Variants in CLVS1 observed in about 807,000 individuals in gnomAD.
CLVS1 encodes the protein clavesin-1.
CLVS1 carries 10 observed loss-of-function variants against 33.1 expected under a neutral mutation model. The ratio of observed to expected loss-of-function variants is 0.30; its 90% confidence interval spans 0.19 to 0.51. CLVS1 has a LOEUF of 0.51. Ranked by LOEUF, CLVS1 falls within the 20% of genes least tolerant of loss-of-function variation. The pLI is 0.97. For missense variants in CLVS1, 343 were observed against 433.4 expected (o/e 0.79, Z 1.85); for synonymous variants, 163 against 166.1 (o/e 0.98, Z 0.14).
At chr8:61,457,982 G>A (rs1185685523) in intron 4 of CLVS1, among the ~76,000 whole-genome samples, 2 of 152,230 alleles carry the variant, frequency 1.3e-5, no homozygotes, top group African/African-American at 4.8e-5. Context: ...GCAATAGCTG[G>A]GGTTTCAGGT....
At chr8:61,411,094 A>G (rs1351077992) in intron 3 of CLVS1, among the ~76,000 whole-genome samples, 1 of 152,198 alleles carries the variant, frequency 6.6e-6, no homozygotes, top group Non-Finnish European at 1.5e-5. Context: ...AGGCTGTTGG[A>G]TCCAAATCCT....
intron 1 of CLVS1, among the ~76,000 whole-genome samples, chr8:61,082,417 A>G (rs115676000): frequency 1.1e-3 from 164 of 152,368 alleles, no homozygotes; most frequent in African/African-American, 3.7e-3. Flanking sequence ...AATTAATGAT[A>G]GATGCCAAAT....
intron 2 of CLVS1, among the ~76,000 whole-genome samples, chr8:61,335,343 T>C (rs1274308210): frequency 6.6e-6 from 1 of 152,252 alleles, no homozygotes; most frequent in East Asian, 1.9e-4. Context: ...TAAACTAAGT[T>C]TCTCCCAAAG....
chr8:61,161,424 C>G (rs1448668674), intron 2 of CLVS1, among the ~76,000 whole-genome samples: 2 of 152,152 alleles, frequency 1.3e-5, no homozygotes, highest in Admixed American at 1.3e-4. Context: ...AAGTGTTCAT[C>G]AATGGATGAA....
chr8:61,416,386 AT>A (rs1178638089), intron 3 of CLVS1, among the ~76,000 whole-genome samples: 3 of 152,134 alleles, frequency 2.0e-5, no homozygotes, highest in African/African-American at 4.8e-5. Context: ...TACTAGAACA[AT>A]AGGTGGGGAA....
chr8:61,119,990 C>T (rs1393717991), intron 1 of CLVS1, among the ~76,000 whole-genome samples: 2 of 144,874 alleles, frequency 1.4e-5, no homozygotes, highest in East Asian at 4.0e-4. Context: ...TTCCATTCTC[C>T]CCATCACTTT....
intron 5 of CLVS1, among the ~76,000 whole-genome samples, chr8:61,480,342 A>C (rs1031715336): frequency 6.6e-6 from 1 of 152,144 alleles, no homozygotes; most frequent in African/African-American, 2.4e-5. Context: ...CTGCTGTGCT[A>C]GCAATGAGCA....
intron 1 of CLVS1, among the ~76,000 whole-genome samples, chr8:61,077,194 CTCCCGAGTAGCTG>C (rs1804929461): frequency 6.6e-6 from 1 of 151,836 alleles, no homozygotes; most frequent in African/African-American, 2.4e-5. Context: ...CTGCCTCAGC[CTCCCGAGTAGCTG>C]GGACTACAGG....
intron 3 of CLVS1, among the ~76,000 whole-genome samples, chr8:61,404,190 A>G (rs1814888554): frequency 6.6e-6 from 1 of 152,206 alleles, no homozygotes; most frequent in Non-Finnish European, 1.5e-5. Context: ...CCAATTGGTC[A>G]GCTTGGAGCT....
chr8:61,138,997 T>C (rs1806249413), intron 2 of CLVS1, among the ~76,000 whole-genome samples: 1 of 152,270 alleles, frequency 6.6e-6, no homozygotes, highest in Non-Finnish European at 1.5e-5. Flanking sequence ...CTTGCTCTTG[T>C]TGCACTGAAG....
intron 3 of CLVS1, among the ~76,000 whole-genome samples, chr8:61,406,938 C>T (rs1407955253): frequency 6.6e-6 from 1 of 152,076 alleles, no homozygotes; most frequent in Non-Finnish European, 1.5e-5. Flanking sequence ...GTAAAATTGT[C>T]TAATCAAAAA....
the CLVS1 span, among the ~76,000 whole-genome samples, chr8:61,002,687 A>G: frequency 2.0e-5 from 3 of 152,158 alleles, no homozygotes; most frequent in Middle Eastern, 3.2e-3. Context: ...CATGCCTTAC[A>G]CATTTGTGAG....
chr8:61,083,461 A>G (rs1805060652), intron 1 of CLVS1, among the ~76,000 whole-genome samples: 2 of 152,130 alleles, frequency 1.3e-5, no homozygotes, highest in East Asian at 1.9e-4. Context: ...GAGCAGCCCA[A>G]CTGAGGGGGT....
At chr8:61,199,160 A>G (rs548373147) in intron 2 of CLVS1, among the ~76,000 whole-genome samples, 2 of 152,156 alleles carry the variant, frequency 1.3e-5, no homozygotes, top group Non-Finnish European at 2.9e-5. Flanking sequence ...TTCCACATTG[A>G]AAAACCTAAG....
chr8:61,377,944 A>G (rs1813712064), intron 3 of CLVS1: 1 of 152,214 alleles, frequency 6.6e-6, no homozygotes, highest in Non-Finnish European at 1.5e-5. Flanking sequence ...TACAGACTAC[A>G]TGGAGCATCC....
At chr8:61,446,864 G>A in intron 3 of CLVS1, among the ~76,000 whole-genome samples, 1 of 149,068 alleles carries the variant, frequency 6.7e-6, no homozygotes, top group African/African-American at 2.5e-5. Flanking sequence ...GGGTTATTTA[G>A]AACTGTGTTG....
At chr8:61,295,715 A>T (rs949902347) in intron 1 of CLVS1, among the ~76,000 whole-genome samples, 12 of 152,168 alleles carry the variant, frequency 7.9e-5, no homozygotes, top group African/African-American at 2.9e-4. Flanking sequence ...GAGAAAGATT[A>T]GTTTTGGCTG....
At chr8:61,283,510 C>G (rs1295331849), upstream of CLVS1, among the ~76,000 whole-genome samples, 1 of 152,184 alleles carries the variant, frequency 6.6e-6, no homozygotes, top group African/African-American at 2.4e-5. Flanking sequence ...GACCAAATTT[C>G]TTATACTGGT....
intron 3 of CLVS1, among the ~76,000 whole-genome samples, chr8:61,448,691 C>T (rs1201863404): frequency 6.7e-6 from 1 of 149,618 alleles, no homozygotes; most frequent in Non-Finnish European, 1.5e-5. Flanking sequence ...GCCTGGGCAA[C>T]ATAGTGAGAC....
Sources: gnomAD v4.1 joint callset for allele counts (sites outside exome capture counted in the v4.1 genomes callset) on GRCh38, gnomAD v4.1.1 for gene constraint, MANE v1.5 for transcripts, NCBI Gene and HGNC (gene_info 2026-07-23, HGNC 2026-07-21) for gene names.